COQ5: variants seen among roughly 807,000 people sequenced by gnomAD.
The protein encoded by COQ5 is coenzyme Q5, methyltransferase, also known as 2-methoxy-6-polyprenyl-1,4-benzoquinol methylase, mitochondrial.
COQ5 carries 27 observed loss-of-function variants against 40.5 expected under a neutral mutation model. That is an observed-to-expected ratio of 0.67 (90% CI 0.49 to 0.92). COQ5 has a LOEUF of 0.92. COQ5 is among the 40% of genes least tolerant of loss of function. The pLI, the probability that COQ5 is intolerant of heterozygous loss-of-function variation, is 0.00. For missense variants in COQ5, 409 were observed against 406.4 expected (o/e 1.01, Z -0.06); for synonymous variants, 141 against 150.0 (o/e 0.94, Z 0.44).
Position 120,504,918 on chromosome 12 carries a change from T to C in COQ5, c.747A>G (p.Gln249=). 6.2e-7 allele frequency: 1 copy of C among 1,614,162 alleles called. No homozygotes were observed. Among genetic ancestry groups the C allele is most frequent in the Non-Finnish European group, 8.5e-7 (1 of 1,180,016 alleles). ...ACCTGGATATGAGGGGATTGTTCAC[T>C]TGGCTAAATTCCAGACAGAGAAACC... ...GGRFLCLEFS[Q]VNNPLISRLY... The change falls in exon 5 of 7, where the codon CAA becomes CAG. Residue 249 remains glutamine (Q), a synonymous_variant. Coordinates refer to ENST00000288532, the MANE Select transcript of COQ5 (RefSeq NM_032314.4).
chr12:120,522,331 ACTT>A lies in COQ5; in HGVS notation c.232_234del (p.Lys78del), dbSNP rs1209651028. Reference sequence around the variant, plus strand: ...CTCATCATATCATTCATCACATCATACTTCTTAGCCACACTTTCAAACACCTGA... The same window carrying A: ...CTCATCATATCATTCATCACATCATACTTAGCCACACTTTCAAACACCTGA... On this transcript the variant is annotated inframe_deletion, in exon 2 of 7. Transcript: ENST00000288532. 6.2e-7 allele frequency: 1 copy of A among 1,613,834 alleles called. No individual in the cohort carries two copies. The highest frequency in any genetic ancestry group is 8.5e-7 in the Non-Finnish European group (1 of 1,179,764).
In COQ5 at chr12:120,503,542, G is replaced by A. The variant is rs1013888753; in HGVS notation, c.*242C>T. 2 of 630,256 alleles carry A rather than the reference G, an allele frequency of 3.2e-6. No individual in the cohort carries two copies. Among genetic ancestry groups the A allele is most frequent in the African/African-American group, 3.6e-5 (2 of 55,672 alleles). The allele number at this position is 630,256 out of a possible 1,614,324, so 39.0% of individuals were successfully genotyped here. ...CACACCCTACAGCCAAGAGAAATTA[G>A]CAGTTGAGCAAAGATACAGACCAAA... On this transcript the variant is annotated 3_prime_UTR_variant, in exon 7 of 7. Coordinates refer to ENST00000288532, the MANE Select transcript of COQ5 (RefSeq NM_032314.4).
intron 2 of COQ5, among the ~76,000 whole-genome samples, chr12:120,521,443 C>T (rs973301665): frequency 2.6e-5 from 4 of 151,566 alleles, no homozygotes; most frequent in South Asian, 2.1e-4. Context: ...CTTGGGAGGC[C>T]GAGGCGGGTG....
At chr12:120,509,470 C>G (rs1869029946) in intron 4 of COQ5, among the ~76,000 whole-genome samples, 1 of 152,204 alleles carries the variant, frequency 6.6e-6, no homozygotes, top group Non-Finnish European at 1.5e-5. Flanking sequence ...TTTGAGGGCC[C>G]TTGTCTTTGT....
At chr12:120,517,542 C>G (rs1869436224) in intron 2 of COQ5, among the ~76,000 whole-genome samples, 1 of 147,304 alleles carries the variant, frequency 6.8e-6, no homozygotes, top group African/African-American at 2.5e-5. Flanking sequence ...ATTAGCCAGG[C>G]GTGGTGGTGG....
intron 2 of COQ5, among the ~76,000 whole-genome samples, chr12:120,519,925 T>C (rs1869564867): frequency 6.6e-6 from 1 of 151,250 alleles, no homozygotes; most frequent in Admixed American, 6.6e-5. Flanking sequence ...TTTTAGATTT[T>C]GGTAGATTCT....
At chr12:120,513,781 A>G (rs1465590587) in intron 3 of COQ5, among the ~76,000 whole-genome samples, 1 of 151,976 alleles carries the variant, frequency 6.6e-6, no homozygotes, top group East Asian at 1.9e-4. Flanking sequence ...CAGCCTCCCA[A>G]AGTGCTGGGA....
Position 120,503,898 on chromosome 12 carries a change from G to A in COQ5, c.883-13C>T, listed in dbSNP as rs887011627. On this transcript the variant is annotated splice_polypyrimidine_tract_variant and intron_variant, in intron 6 of 6. Transcript: ENST00000288532. ...CCTTGAACTCTTCCTGAAACACAAG[G>A]AAAGATGATAAAGCCAGGGTAGCCT... is the stretch of plus-strand genomic sequence containing the variant. 3.7e-6 allele frequency: 6 copies of A among 1,611,500 alleles called. No individual in the cohort carries two copies. The highest frequency in any genetic ancestry group is 5.1e-6 in the Non-Finnish European group (6 of 1,177,586).
Position 120,526,698 on chromosome 12 carries a change from A to ATTTTTTTTTTTTTTTTTTT in COQ5, c.202+2223_202+2241dup, listed in dbSNP as rs61584250. 2.7e-4 allele frequency among the ~76,000 whole-genome samples: 17 copies of ATTTTTTTTTTTTTTTTTTT among 64,150 alleles called. 4 individuals are homozygous for ATTTTTTTTTTTTTTTTTTT. The highest frequency in any genetic ancestry group is 1.1e-3 in the Admixed American group (4 of 3,806). 42.1% of individuals were successfully genotyped at this position (64,150 alleles called of 152,430 possible). A position where few individuals can be genotyped will look rare whatever the true frequency, so the allele number is the denominator to read the frequency against. ...AATAGTGCTCAAACTACTCTTGGCA[A>ATTTTTTTTTTTTTTTTTTT]TTTTTTTTTTTTTTTTTTTTTTTTT... On this transcript the variant is annotated intron_variant, in intron 1 of 6. Transcript: ENST00000288532.
chr12:120,513,105 T>A (rs1460487167), intron 3 of COQ5, among the ~76,000 whole-genome samples: 1 of 144,012 alleles, frequency 6.9e-6, no homozygotes, highest in African/African-American at 2.6e-5. Flanking sequence ...CAGCCAAATA[T>A]GTATATATTT....
chr12:120,516,591 C>A lies in COQ5; in HGVS notation c.550G>T (p.Ala184Ser), dbSNP rs766664549. The A allele has an allele frequency of 2.0e-5, 32 of 1,614,028 alleles. No homozygotes were observed. The highest frequency in any genetic ancestry group is 2.6e-5 in the Non-Finnish European group (31 of 1,179,994). ...CCAGCTCTGTATCCTTGAGCCAAGG[C>A]TTTCTGCTTTCCAACCTTTAGCATC... The part of the protein sequence containing the change: ...KEMLKVGKQK[A>S]LAQGYRAGLA... Residue 184 changes from alanine to serine, a missense_variant, in exon 3 of 7, where the codon GCC becomes TCC. Ala to Ser is a moderately conservative substitution (Grantham distance 99, BLOSUM62 1). Coordinates refer to ENST00000288532, the MANE Select transcript of COQ5 (RefSeq NM_032314.4).
In COQ5 at chr12:120,529,118, A is replaced by T. The variant is rs3742052; in HGVS notation, c.24T>A (p.Ala8=). Residue 8 remains alanine, a synonymous_variant, in exon 1 of 7, where the codon GCT becomes GCA. Coordinates refer to ENST00000288532, the MANE Select transcript of COQ5 (RefSeq NM_032314.4). MAAPGSC[A]LWSYCGRGWS... ...ACCCACGGCCGCAATAGCTCCATAG[A>T]GCACAGCTCCCGGGGGCCGCCATCT... 3.1e-6 allele frequency: 5 copies of T among 1,613,644 alleles called. No homozygotes were observed. The highest frequency in any genetic ancestry group is 2.2e-5 in the South Asian group (2 of 91,078).
intron 2 of COQ5, among the ~76,000 whole-genome samples, chr12:120,519,259 A>G (rs994373238): frequency 1.3e-5 from 2 of 152,208 alleles, no homozygotes; most frequent in African/African-American, 4.8e-5. Context: ...TTTAGGCGAC[A>G]TAGAATTGAA....
At chr12:120,526,295 T>C (rs1471479369) in intron 1 of COQ5, among the ~76,000 whole-genome samples, 4 of 152,192 alleles carry the variant, frequency 2.6e-5, no homozygotes, top group African/African-American at 9.6e-5. Flanking sequence ...AAAGAGGGAA[T>C]TGAGCAACAA....
chr12:120,503,730 G>C lies in COQ5; in HGVS notation c.*54C>G. The C allele has an allele frequency of 7.4e-7, 1 of 1,349,274 alleles. No homozygotes were observed. Among genetic ancestry groups the C allele is most frequent in the Middle Eastern group, 1.8e-4 (1 of 5,620 alleles). The allele number at this position is 1,349,274 out of a possible 1,614,324, so 83.6% of individuals were successfully genotyped here. A position where few individuals can be genotyped will look rare whatever the true frequency, so the allele number is the denominator to read the frequency against. On this transcript the variant is annotated 3_prime_UTR_variant, in exon 7 of 7. Coordinates refer to ENST00000288532, the MANE Select transcript of COQ5 (RefSeq NM_032314.4). ...GTCTCATTTGCCAGATTATCCTTCA[G>C]TTCCAGGCTTTCAACAGGATATGAC...
intron 3 of COQ5, among the ~76,000 whole-genome samples, chr12:120,511,788 C>T (rs1400841065): frequency 6.6e-6 from 1 of 152,072 alleles, no homozygotes; most frequent in Non-Finnish European, 1.5e-5. Context: ...ACGAATGAAT[C>T]CATGCAAAAA....
intron 1 of COQ5, among the ~76,000 whole-genome samples, chr12:120,524,561 TAA>T (rs1217206950): frequency 6.6e-6 from 1 of 152,042 alleles, no homozygotes; most frequent in Non-Finnish European, 1.5e-5. Context: ...CGCCCGGCCT[TAA>T]AGTTACATTT....
chr12:120,522,475 T>C (rs1281969779), intron 1 of COQ5, 112 bp from the exon 2 acceptor site: 1 of 990,572 alleles, frequency 1.0e-6, no homozygotes, highest in Non-Finnish European at 1.6e-6. Flanking sequence ...CTTTGCAAGG[T>C]GAAACTAAGT....
chr12:120,522,400 CAG>C, intron 1 of COQ5, 37 bp from the exon 2 acceptor site: 2 of 1,604,436 alleles, frequency 1.2e-6, no homozygotes, highest in Non-Finnish European at 1.7e-6. Flanking sequence ...GTGCTATTAA[CAG>C]AATTCCCTTA....
Sources: allele counts gnomAD v4.1 joint callset (sites outside exome capture counted in the v4.1 genomes callset), GRCh38; gene constraint gnomAD v4.1.1; transcripts MANE v1.5; gene names NCBI Gene and HGNC (gene_info 2026-07-23, HGNC 2026-07-21).